PCDHB5: variants seen among roughly 807,000 people sequenced by gnomAD.
PCDHB5 encodes protocadherin beta 5, also known as protocadherin beta-5.
For missense variants in PCDHB5, 1,125 were observed against 1,029.4 expected, an observed-to-expected ratio of 1.09 and a Z score of -1.27; for synonymous variants, 569 against 462.2, an observed-to-expected ratio of 1.23 and a Z score of -2.96.
rs1752606343 is a variant in PCDHB5, at chr5:141,137,155, T to C, written c.1721T>C (p.Leu574Pro). 12 of 1,610,776 alleles carry C rather than the reference T, an allele frequency of 7.4e-6. No homozygotes were observed. The East Asian group carries it at 1.1e-4, about 15-fold the overall frequency. ...LQNGSAPCTE[L>P]VPRAAEPGYL... ...AACGGCTCGGCGCCTTGCACCGAGCTGGTGCCCCGGGCGGCCGAGCCGGGC... is the reference window on the plus strand; with the variant it reads ...AACGGCTCGGCGCCTTGCACCGAGCCGGTGCCCCGGGCGGCCGAGCCGGGC... The change falls in exon 1 of 1, where the codon CTG (leucine) becomes CCG (proline). Residue 574 changes from leucine (L) to proline (P), a missense_variant. Physicochemically the swap from Leu to Pro is moderately conservative, Grantham distance 98. Coordinates refer to ENST00000231134, the MANE Select transcript of PCDHB5 (RefSeq NM_015669.5).
chr5:141,135,724 G>C lies in PCDHB5; in HGVS notation c.290G>C (p.Gly97Ala). ...AAACTAGACCGGGAGGTGATGTGCG[G>C]GGCGACAGAACCCTGTATATTGCAT... ...YEKLDREVMC[G>A]ATEPCILHFQ... The change falls in exon 1 of 1, where the codon GGG becomes GCG. Residue 97 changes from glycine to alanine, a missense_variant. Transcript: ENST00000231134. The C allele has an allele frequency of 1.2e-6, 2 of 1,614,042 alleles. No homozygotes were observed. Among genetic ancestry groups the C allele is most frequent in the African/African-American group, 2.7e-5 (2 of 74,994 alleles).
rs781943687 is a variant in PCDHB5 at position 141,136,817 on chromosome 5, G to C, written c.1383G>C (p.Glu461Asp). 3.1e-6 allele frequency: 5 copies of C among 1,613,562 alleles called. No individual in the cohort carries two copies. The highest frequency in any genetic ancestry group is 2.2e-5 in the South Asian group (2 of 91,020). The stretch of plus-strand genomic sequence containing the variant: ...CCTCCTACACCCTGTTCGTCCGAGA[G>C]AACAACAGCCCCGCCCTGCACATCG... ...TQTSYTLFVR[E>D]NNSPALHIGS... The change falls in exon 1 of 1, where the codon GAG (glutamate) becomes GAC (aspartate). Residue 461 changes from glutamate to aspartate, a missense_variant. By Grantham distance (45) the Glu-to-Asp change is conservative. Coordinates refer to ENST00000231134, the MANE Select transcript of PCDHB5 (RefSeq NM_015669.5).
In PCDHB5 at chr5:141,135,970, A is replaced by C. The variant is rs890766118; in HGVS notation, c.536A>C (p.His179Pro). ...ACAATCAGCCCAAATTCACACTTTCATGTTGCTACGCATAATCGCGGAGAT... is the reference window on the plus strand; with the variant it reads ...ACAATCAGCCCAAATTCACACTTTCCTGTTGCTACGCATAATCGCGGAGAT... ...NYTISPNSHFHVATHNRGDGR... is the reference protein window; with the variant it reads ...NYTISPNSHFPVATHNRGDGR... Residue 179 changes from histidine to proline, a missense_variant, in exon 1 of 1, where the codon CAT becomes CCT. By Grantham distance (77) the His-to-Pro change is moderately conservative (BLOSUM62 -2). Coordinates refer to ENST00000231134, the MANE Select transcript of PCDHB5 (RefSeq NM_015669.5). The C allele has an allele frequency of 1.2e-6, 2 of 1,614,230 alleles. No homozygotes were observed. The highest frequency in any genetic ancestry group is 3.3e-5 in the Admixed American group (2 of 60,028).
In PCDHB5 at chr5:141,136,154, C is replaced by A. The variant is rs2149632773; in HGVS notation, c.720C>A (p.Pro240=). Residue 240 remains proline (P), a synonymous_variant, in exon 1 of 1, where the codon CCC becomes CCA. Transcript: ENST00000231134. The part of the protein sequence containing the change: ...IVVLDNNDNA[P]EFLQSFYEVQ... ...TCTTGGATAATAATGACAACGCCCC[C>A]GAATTTTTACAATCATTCTATGAGG... 2.5e-6 allele frequency: 4 copies of A among 1,613,982 alleles called. No homozygotes were observed. The South Asian group carries it at 4.4e-5, about 18-fold the overall frequency.
In PCDHB5 at chr5:141,137,899, C is replaced by A; in HGVS notation, c.*77C>A. 7.6e-7 allele frequency: 1 copy of A among 1,323,302 alleles called. No homozygotes were observed. Among genetic ancestry groups the A allele is most frequent in the Non-Finnish European group, 1.0e-6 (1 of 959,338 alleles). 82.0% of individuals were successfully genotyped at this position (1,323,302 alleles called of 1,614,324 possible). A position where few individuals can be genotyped will look rare whatever the true frequency, so the allele number is the denominator to read the frequency against. On this transcript the variant is annotated 3_prime_UTR_variant, in exon 1 of 1. Coordinates refer to ENST00000231134, the MANE Select transcript of PCDHB5 (RefSeq NM_015669.5). The stretch of plus-strand genomic sequence containing the variant: ...ATCTAGAATTCGAGAGTGTCATGGA[C>A]AAAAATTTCACCTTGAGATTGAGCT...
Position 141,136,040 on chromosome 5 carries a change from G to A in PCDHB5, c.606G>A (p.Arg202=). The A allele has an allele frequency of 6.2e-7, 1 of 1,614,230 alleles. No individual in the cohort carries two copies. Residue 202 remains arginine (R), a synonymous_variant, in exon 1 of 1, where the codon CGG becomes CGA. Coordinates refer to ENST00000231134, the MANE Select transcript of PCDHB5 (RefSeq NM_015669.5). ...TGGTGCTGGACAAAGCGCTGGACCG[G>A]GAGGAGCGGCCTGAGCTCAGCTTAA... ...PELVLDKALD[R]EERPELSLTL... is the part of the protein sequence containing the mutation.
At position 141,135,827 on chromosome 5, in the gene PCDHB5, A is replaced by G; in HGVS notation, c.393A>G (p.Pro131=). The G allele has an allele frequency of 6.2e-7, 1 of 1,614,066 alleles. No individual in the cohort carries two copies. Among genetic ancestry groups the G allele is most frequent in the Admixed American group, 1.7e-5 (1 of 60,002 alleles). The change falls in exon 1 of 1, where the codon CCA becomes CCG. Residue 131 remains proline (P), a synonymous_variant. Transcript: ENST00000231134. ...LQLTDINDHA[P]EFPEKEMLLK... Reference sequence around the variant, plus strand: ...TCACAGATATAAATGACCATGCCCCAGAGTTCCCAGAGAAGGAAATGCTCC... The same window carrying G: ...TCACAGATATAAATGACCATGCCCCGGAGTTCCCAGAGAAGGAAATGCTCC...
chr5:141,137,940 AATGG>A lies in PCDHB5; in HGVS notation c.*121_*124del. The A allele has an allele frequency of 1.1e-6, 1 of 941,044 alleles. No individual in the cohort carries two copies. The highest frequency in any genetic ancestry group is 2.4e-4 in the Middle Eastern group (1 of 4,136). 58.3% of individuals were successfully genotyped at this position (941,044 alleles called of 1,614,324 possible). Reference sequence around the variant, plus strand: ...AGATTGAGCTTTTATTTCCCTTTTTAATGGATTTGTCTGTTGAACTTCATGCTGT... The same window carrying A: ...AGATTGAGCTTTTATTTCCCTTTTTAATTTGTCTGTTGAACTTCATGCTGT... On this transcript the variant is annotated 3_prime_UTR_variant, in exon 1 of 1. Transcript: ENST00000231134.
chr5:141,137,099 C>T lies in PCDHB5; in HGVS notation c.1665C>T (p.Asp555=), dbSNP rs1554276113. Residue 555 remains aspartate, a synonymous_variant, in exon 1 of 1, where the codon GAC becomes GAT. Coordinates refer to ENST00000231134, the MANE Select transcript of PCDHB5 (RefSeq NM_015669.5). ...GCGTGCTGGTGCTGGACGCCAACGA[C>T]AACTCGCCCTTCGTGCTGTATCCGC... is the stretch of plus-strand genomic sequence containing the variant. ...LVRVLVLDAN[D]NSPFVLYPLQ... is the part of the protein sequence containing the mutation. 6.2e-7 allele frequency: 1 copy of T among 1,611,638 alleles called. No homozygotes were observed. Among genetic ancestry groups the T allele is most frequent in the Non-Finnish European group, 8.5e-7 (1 of 1,179,658 alleles).
rs1490091893 is a variant in PCDHB5, at chr5:141,138,056, AT to A, written c.*241del. ...CATGCATGCTGTTGATTTTCCTGAG[AT>A]TTTTTTCTCTTCTTGTTGGTATTTG... On this transcript the variant is annotated 3_prime_UTR_variant, in exon 1 of 1. Coordinates refer to ENST00000231134, the MANE Select transcript of PCDHB5 (RefSeq NM_015669.5). 2 of 462,598 alleles carry A rather than the reference AT, an allele frequency of 4.3e-6. No individual in the cohort carries two copies. Among genetic ancestry groups the A allele is most frequent in the East Asian group, 3.5e-5 (1 of 28,580 alleles). The allele number at this position is 462,598 out of a possible 1,614,324, so 28.7% of individuals were successfully genotyped here. A position where few individuals can be genotyped will look rare whatever the true frequency, so the allele number is the denominator to read the frequency against.
Position 141,136,920 on chromosome 5 carries a change from C to T in PCDHB5, c.1486C>T (p.His496Tyr), listed in dbSNP as rs143201420. The change falls in exon 1 of 1, where the codon CAC (histidine) becomes TAC (tyrosine). Residue 496 changes from histidine to tyrosine, a missense_variant. By Grantham distance (83) the His-to-Tyr change is moderately conservative. Transcript: ENST00000231134. The part of the protein sequence containing the change: ...TYSLLPPQNP[H>Y]LRLASLVSIN... ...CTCGCTGCTGCCGCCCCAGAACCCA[C>T]ACCTGCGCCTCGCCTCCCTGGTCTC... 381 of 1,612,562 alleles carry T rather than the reference C, an allele frequency of 2.4e-4. No individual in the cohort carries two copies. Among genetic ancestry groups the T allele is most frequent in the Non-Finnish European group, 3.2e-4 (374 of 1,180,040 alleles).
Position 141,136,775 on chromosome 5 carries a change from C to A in PCDHB5, c.1341C>A (p.Ala447=), listed in dbSNP as rs1554275987. 1.2e-6 allele frequency: 2 copies of A among 1,613,992 alleles called. No individual in the cohort carries two copies. The highest frequency in any genetic ancestry group is 1.7e-6 in the Non-Finnish European group (2 of 1,180,014). The change falls in exon 1 of 1, where the codon GCC becomes GCA. Residue 447 remains alanine (A), a synonymous_variant. Transcript: ENST00000231134. Reference sequence around the variant, plus strand: ...TGGTCTCCGACGTCAATGACAACGCCCCCGCCTTCACCCAAACCTCCTACA... The same window carrying A: ...TGGTCTCCGACGTCAATGACAACGCACCCGCCTTCACCCAAACCTCCTACA... ...TVLVSDVNDN[A]PAFTQTSYTL...
rs1209145005 is a variant in PCDHB5 at position 141,135,357 on chromosome 5, A to T, written c.-78A>T. 7 of 1,003,840 alleles carry T rather than the reference A, an allele frequency of 7.0e-6. No individual in the cohort carries two copies. In the East Asian group the frequency reaches 9.6e-5, roughly 14 times the overall value. The allele number at this position is 1,003,840 out of a possible 1,614,324, so 62.2% of individuals were successfully genotyped here. A position where few individuals can be genotyped will look rare whatever the true frequency, so the allele number is the denominator to read the frequency against. The stretch of plus-strand genomic sequence containing the variant: ...GTGGAAATCAGTCAAGAAAGATCGG[A>T]TTCGCGGTTATTTATGCAAATCATC... On this transcript the variant is annotated 5_prime_UTR_variant, in exon 1 of 1. Coordinates refer to ENST00000231134, the MANE Select transcript of PCDHB5 (RefSeq NM_015669.5).
rs146622446 is a variant in PCDHB5 at position 141,137,580 on chromosome 5, A to G, written c.2146A>G (p.Ser716Gly). ...CGTGGCAGTGCGGCTGTGCAGGAGG[A>G]GCAGGGCGGCCCCGGTCGGTCGCTG... Reference protein sequence around the residue: ...LFVAVRLCRRSRAAPVGRCSV... With the variant: ...LFVAVRLCRRGRAAPVGRCSV... Residue 716 changes from serine to glycine, a missense_variant, in exon 1 of 1, where the codon AGC becomes GGC. Physicochemically the swap from Ser to Gly is moderately conservative, Grantham distance 56. Transcript: ENST00000231134. 1.1e-4 allele frequency: 180 copies of G among 1,612,470 alleles called. No homozygotes were observed. In the African/African-American group the frequency reaches 2.1e-3, roughly 19 times the overall value.
Position 141,136,399 on chromosome 5 carries a change from A to G in PCDHB5, c.965A>G (p.Asp322Gly), listed in dbSNP as rs782197579. Reference protein sequence around the residue: ...PYYNVEIVATDGGGLSGKCTV... With the variant: ...PYYNVEIVATGGGGLSGKCTV... The stretch of plus-strand genomic sequence containing the variant: ...TATAACGTGGAAATTGTAGCCACAG[A>G]TGGTGGGGGCCTTTCAGGAAAATGC... Residue 322 changes from aspartate (D) to glycine (G), a missense_variant, in exon 1 of 1, where the codon GAT (aspartate) becomes GGT (glycine). Transcript: ENST00000231134. 5 of 1,614,128 alleles carry G rather than the reference A, an allele frequency of 3.1e-6. No homozygotes were observed. The East Asian group carries it at 6.7e-5, about 22-fold the overall frequency.
rs553272667 is a variant in PCDHB5, at chr5:141,137,408, C to T, written c.1974C>T (p.His658=). The T allele has an allele frequency of 1.6e-5, 26 of 1,610,668 alleles. 1 individual carries two copies. In the Admixed American group the frequency reaches 1.8e-4, roughly 11 times the overall value. The part of the protein sequence containing the change: ...EPPRSATATL[H]VLLVDGFSQP... ...CGCGCTCGGCCACCGCCACGCTGCA[C>T]GTGCTCCTGGTGGACGGCTTCTCCC... The change falls in exon 1 of 1, where the codon CAC becomes CAT. Residue 658 remains histidine (H), a synonymous_variant. Coordinates refer to ENST00000231134, the MANE Select transcript of PCDHB5 (RefSeq NM_015669.5).
At position 141,135,494 on chromosome 5, in the gene PCDHB5, G is replaced by A. The variant is rs782317301; in HGVS notation, c.60G>A (p.Leu20=). Reference sequence around the variant, plus strand: ...GGCAAGTTATGTTTCTTGCTATATTGTTGCTTTTGTGGGAGGCTGGCTCTG... The same window carrying A: ...GGCAAGTTATGTTTCTTGCTATATTATTGCTTTTGTGGGAGGCTGGCTCTG... The part of the protein sequence containing the change: ...QKRQVMFLAI[L]LLLWEAGSEA... The change falls in exon 1 of 1, where the codon TTG becomes TTA. Residue 20 remains leucine (L), a synonymous_variant. Coordinates refer to ENST00000231134, the MANE Select transcript of PCDHB5 (RefSeq NM_015669.5). 1 of 1,613,996 alleles carries A rather than the reference G, an allele frequency of 6.2e-7. No homozygotes were observed. The highest frequency in any genetic ancestry group is 1.1e-5 in the South Asian group (1 of 91,022).
rs1214135731 is a variant in PCDHB5, at chr5:141,136,802, C to T, written c.1368C>T (p.Thr456=). 3 of 1,613,608 alleles carry T rather than the reference C, an allele frequency of 1.9e-6. No homozygotes were observed. Among genetic ancestry groups the T allele is most frequent in the Non-Finnish European group, 2.5e-6 (3 of 1,180,026 alleles). The stretch of plus-strand genomic sequence containing the variant: ...CCGCCTTCACCCAAACCTCCTACAC[C>T]CTGTTCGTCCGAGAGAACAACAGCC... ...NAPAFTQTSY[T]LFVRENNSPA... is the part of the protein sequence containing the mutation. Residue 456 remains threonine (T), a synonymous_variant, in exon 1 of 1, where the codon ACC becomes ACT. Coordinates refer to ENST00000231134, the MANE Select transcript of PCDHB5 (RefSeq NM_015669.5).
chr5:141,136,599 C>A lies in PCDHB5; in HGVS notation c.1165C>A (p.Pro389Thr). The A allele has an allele frequency of 6.2e-7, 1 of 1,614,130 alleles. No homozygotes were observed. Among genetic ancestry groups the A allele is most frequent in the Non-Finnish European group, 8.5e-7 (1 of 1,180,040 alleles). The change falls in exon 1 of 1, where the codon CCC (proline) becomes ACC (threonine). Residue 389 changes from proline (P) to threonine (T), a missense_variant. By Grantham distance (38) the Pro-to-Thr change is conservative (BLOSUM62 -1). Transcript: ENST00000231134. ...RMICSIQNDL[P>T]FLLKPTLKNF... ...GATTTGCTCCATCCAGAATGATCTC[C>A]CCTTTCTTTTGAAGCCCACATTAAA... is the stretch of plus-strand genomic sequence containing the variant.
Sources: gnomAD v4.1 joint callset for allele counts on GRCh38, gnomAD v4.1.1 for gene constraint, MANE v1.5 for transcripts, NCBI Gene and HGNC (gene_info 2026-07-23, HGNC 2026-07-21) for gene names.